The following EWSR1 variants were observed in gnomAD, a reference collection of about 807,000 sequenced individuals.
EWSR1 encodes the protein EWS RNA binding protein 1, also known as RNA-binding protein EWS.
EWSR1 carries 14 observed loss-of-function variants against 92.1 expected under a neutral mutation model. The ratio of observed to expected loss-of-function variants is 0.15; its 90% confidence interval spans 0.10 to 0.24. The LOEUF (loss-of-function observed/expected upper bound fraction) is 0.24. EWSR1 is among the 10% of genes least tolerant of loss of function. The pLI, the probability that EWSR1 is intolerant of heterozygous loss-of-function variation, is 1.00. For synonymous variants in EWSR1, 303 were observed against 292.9 expected, an observed-to-expected ratio of 1.03 and a Z score of -0.35; for missense variants, 637 against 870.9, an observed-to-expected ratio of 0.73 and a Z score of 3.38.
At position 29,296,049 on chromosome 22, in the gene EWSR1, G is replaced by A. The variant is rs2060834269; in HGVS notation, c.1165-190G>A. 3 of 595,208 alleles carry A rather than the reference G, an allele frequency of 5.0e-6. No homozygotes were observed. In the East Asian group the frequency reaches 9.3e-5, roughly 19 times the overall value. The allele number at this position is 595,208 out of a possible 1,614,324, so 36.9% of individuals were successfully genotyped here. ...CACTTCCACACTTTGGTCTACTTTG[G>A]TTTTTATGATAAAGCAGGGATAGAG... On this transcript the variant is annotated intron_variant, in intron 11 of 16. Transcript: ENST00000397938.
chr22:29,292,585 T>C lies in EWSR1; in HGVS notation c.1143T>C (p.Phe381=). 1 of 1,613,354 alleles carries C rather than the reference T, an allele frequency of 6.2e-7. No homozygotes were observed. Among genetic ancestry groups the C allele is most frequent in the Non-Finnish European group, 8.5e-7 (1 of 1,179,310 alleles). ...SVTLDDLADF[F]KQCGVVKMNK... Reference sequence around the variant, plus strand: ...CTCTAGATGATCTGGCAGACTTCTTTAAGCAGTGTGGGGTTGTTAAGGTCA... The same window carrying C: ...CTCTAGATGATCTGGCAGACTTCTTCAAGCAGTGTGGGGTTGTTAAGGTCA... Residue 381 remains phenylalanine (F), a synonymous_variant, in exon 11 of 17, where the codon TTT becomes TTC. Coordinates refer to ENST00000397938, the MANE Select transcript of EWSR1 (RefSeq NM_005243.4).
chr22:29,271,643 CA>C (rs2058691405), intron 1 of EWSR1, among the ~76,000 whole-genome samples: 1 of 152,210 alleles, frequency 6.6e-6, no homozygotes, highest in Non-Finnish European at 1.5e-5. Flanking sequence ...AGTTCTGACA[CA>C]GCAAACCCTT....
chr22:29,278,929 A>G (rs974983746), intron 5 of EWSR1, among the ~76,000 whole-genome samples: 2 of 151,578 alleles, frequency 1.3e-5, no homozygotes, highest in African/African-American at 4.8e-5. Flanking sequence ...TGGGAGATGG[A>G]GGTTACAGTG....
intron 5 of EWSR1, among the ~76,000 whole-genome samples, chr22:29,278,458 G>A (rs1035560640): frequency 6.6e-6 from 1 of 151,672 alleles, no homozygotes; most frequent in East Asian, 1.9e-4. Flanking sequence ...AGGCCGAGGC[G>A]GGCGGATCAT....
At position 29,278,172 on chromosome 22, in the gene EWSR1, T is replaced by A; in HGVS notation, c.369T>A (p.Ala123=). The change falls in exon 5 of 17, where the codon GCT becomes GCA. Residue 123 remains alanine (A), a synonymous_variant. Transcript: ENST00000397938. ...AAQSAYGTQP[A]YPAYGQQPAA... is the part of the protein sequence containing the mutation. ...AGTCTGCATATGGCACTCAGCCTGC[T>A]TATCCAGCCTATGGGCAGCAGCCAG... is the stretch of plus-strand genomic sequence containing the variant. The A allele has an allele frequency of 6.2e-7, 1 of 1,614,128 alleles. No individual in the cohort carries two copies. Among genetic ancestry groups the A allele is most frequent in the Non-Finnish European group, 8.5e-7 (1 of 1,180,016 alleles).
In EWSR1 at chr22:29,296,239, A is replaced by G; in HGVS notation, c.1165A>G (p.Met389Val). ...DFFKQCGVVK[M>V]NKRTGQPMIH... ...CCTAACTATGCTATTCTTTGTCTAG[A>G]TGAACAAGAGAACTGGGCAACCCAT... The change falls in exon 12 of 17, where the codon ATG (methionine) becomes GTG (valine). Residue 389 changes from methionine to valine, a missense_variant and splice_region_variant. Physicochemically the swap from Met to Val is conservative, Grantham distance 21. This residue lies in a region of EWSR1 where 363 missense variants were observed against 447.8 expected (regional missense o/e 0.81). Transcript: ENST00000397938. 6.2e-7 allele frequency: 1 copy of G among 1,613,910 alleles called. No individual in the cohort carries two copies. The highest frequency in any genetic ancestry group is 1.3e-5 in the African/African-American group (1 of 75,032).
chr22:29,291,864 T>G (rs2060465706), intron 9 of EWSR1: 1 of 566,088 alleles, frequency 1.8e-6, no homozygotes, highest in Non-Finnish European at 3.1e-6. Context: ...AGGAAAAATT[T>G]TGACTTAAAT....
chr22:29,286,160 G>A (rs1054227089), intron 6 of EWSR1, among the ~76,000 whole-genome samples: 2 of 143,916 alleles, frequency 1.4e-5, no homozygotes, highest in African/African-American at 5.1e-5. Flanking sequence ...GTTTTTTTTT[G>A]GAGACGGAAT....
intron 4 of EWSR1, chr22:29,277,421 T>C: frequency 4.5e-6 from 1 of 222,872 alleles, no homozygotes; most frequent in East Asian, 6.6e-5. Flanking sequence ...GTTAAGCAAC[T>C]ATAATTTATA....
At chr22:29,297,355 A>C (rs1041393326) in intron 12 of EWSR1, among the ~76,000 whole-genome samples, 1 of 152,200 alleles carries the variant, frequency 6.6e-6, no homozygotes, top group African/African-American at 2.4e-5. Context: ...GGGTTTCACC[A>C]TGTTGGTCAG....
chr22:29,294,273 G>C (rs1255805222), intron 11 of EWSR1, among the ~76,000 whole-genome samples: 2 of 152,068 alleles, frequency 1.3e-5, no homozygotes, highest in East Asian at 3.9e-4. Flanking sequence ...AAGGGTCTTC[G>C]TTAAATGACA....
chr22:29,296,358 A>G lies in EWSR1; in HGVS notation c.1284A>G (p.Glu428=), dbSNP rs1436522696. 1.2e-6 allele frequency: 2 copies of G among 1,613,850 alleles called. No individual in the cohort carries two copies. Among genetic ancestry groups the G allele is most frequent in the African/African-American group, 2.7e-5 (2 of 74,932 alleles). Residue 428 remains glutamate (E), a synonymous_variant, in exon 12 of 17, where the codon GAA becomes GAG. Transcript: ENST00000397938. ...CACCCACTGCCAAGGCTGCCGTGGA[A>G]TGGTTTGATGGTGAGATGTACTCAC... ...EDPPTAKAAV[E]WFDGKDFQGS...
chr22:29,281,236 A>G (rs1054908739), intron 5 of EWSR1, among the ~76,000 whole-genome samples: 2 of 152,038 alleles, frequency 1.3e-5, no homozygotes, highest in Admixed American at 1.3e-4. Flanking sequence ...GCTGGTGTCC[A>G]ACTCCTGACA....
chr22:29,276,038 C>T (rs1181115946), intron 4 of EWSR1: 1 of 225,978 alleles, frequency 4.4e-6, no homozygotes, highest in African/African-American at 2.2e-5. Context: ...TATTTATTAA[C>T]CCAGTGTCTA....
chr22:29,291,667 ATTTT>A (rs1196540704), intron 9 of EWSR1, 68 bp downstream of exon 9: 2 of 1,421,000 alleles, frequency 1.4e-6, no homozygotes, highest in Non-Finnish European at 1.9e-6. Flanking sequence ...GAAAACTATA[ATTTT>A]TTTATTAGTT....
intron 5 of EWSR1, 113 bp downstream of exon 5, chr22:29,278,329 A>G (rs5763123): frequency 1.0e-6 from 1 of 978,296 alleles, no homozygotes; most frequent in East Asian, 2.6e-5. Flanking sequence ...GCTTTCATAT[A>G]CTCTCAGATG....
intron 6 of EWSR1, 106 bp from the exon 7 acceptor site, chr22:29,286,817 G>A: frequency 1.3e-6 from 1 of 750,588 alleles, no homozygotes; most frequent in South Asian, 1.8e-5. Flanking sequence ...ACTGTTTTAT[G>A]GATGTCTGTG....
At chr22:29,278,642 G>C (rs2059313288) in intron 5 of EWSR1, among the ~76,000 whole-genome samples, 1 of 152,292 alleles carries the variant, frequency 6.6e-6, no homozygotes, top group East Asian at 1.9e-4. Context: ...GGCTAACACG[G>C]TGAAACCCCG....
intron 12 of EWSR1, among the ~76,000 whole-genome samples, chr22:29,297,595 T>TGCTTGAGCAA: frequency 6.6e-6 from 1 of 152,130 alleles, no homozygotes; most frequent in East Asian, 1.9e-4. Flanking sequence ...TTGGGAGGAT[T>TGCTTGAGCAA]GCTTGAGCAA....
Sources: gnomAD v4.1 joint callset for allele counts (sites outside exome capture counted in the v4.1 genomes callset) on GRCh38, gnomAD v4.1.1 for gene constraint, gnomAD v4.1.1 regional missense constraint, MANE v1.5 for transcripts, NCBI Gene and HGNC (gene_info 2026-07-23, HGNC 2026-07-21) for gene names.